Variants in NSD1 observed in about 807,000 individuals in gnomAD.
The protein encoded by NSD1 is nuclear receptor binding SET domain protein 1, also known as histone-lysine N-methyltransferase, H3 lysine-36 specific.
Under a neutral mutation model 242.7 loss-of-function variants are expected in NSD1, and 26 were observed. That is an observed-to-expected ratio of 0.11 (90% CI 0.08 to 0.15). The LOEUF (loss-of-function observed/expected upper bound fraction) is 0.15, where lower values mean the gene tolerates loss of function less well. Among genes scored for constraint, NSD1 ranks in the 10% least tolerant of loss-of-function variants. NSD1 has a pLI of 1.00. For synonymous variants in NSD1, 1,106 were observed against 1,178.1 expected (o/e 0.94, Z 1.25); for missense variants, 2,495 against 3,272.8 (o/e 0.76, Z 5.80).
At chr5:177,276,673 A>G (rs1332672000) in intron 17 of NSD1, among the ~76,000 whole-genome samples, 2 of 151,662 alleles carry the variant, frequency 1.3e-5, no homozygotes, top group Admixed American at 6.6e-5. Flanking sequence ...TGATGATTTC[A>G]CTATGTTGCC....
At chr5:177,198,897 C>T (rs1352384765) in intron 3 of NSD1, among the ~76,000 whole-genome samples, 1 of 152,216 alleles carries the variant, frequency 6.6e-6, no homozygotes, top group Admixed American at 6.5e-5. Context: ...TCTTTAGCTT[C>T]CTCTGTCTCC....
At chr5:177,174,357 C>G (rs1403463532) in intron 2 of NSD1, among the ~76,000 whole-genome samples, 2 of 152,016 alleles carry the variant, frequency 1.3e-5, no homozygotes, top group African/African-American at 4.8e-5. Flanking sequence ...AGATTACAGG[C>G]GCACGCCACC....
intron 5 of NSD1, among the ~76,000 whole-genome samples, chr5:177,222,238 C>G (rs1477755841): frequency 2.6e-5 from 4 of 152,182 alleles, no homozygotes; most frequent in Non-Finnish European, 5.9e-5. Flanking sequence ...AAGCGATTCT[C>G]ATGTCTCAGC....
At chr5:177,230,592 G>A (rs572128386) in intron 5 of NSD1, among the ~76,000 whole-genome samples, 3 of 152,198 alleles carry the variant, frequency 2.0e-5, no homozygotes, top group African/African-American at 7.2e-5. Flanking sequence ...TTGGAAGGCT[G>A]AGGTGAGCAG....
chr5:177,152,539 T>C (rs4976676), intron 2 of NSD1, among the ~76,000 whole-genome samples: 20,388 of 146,064 alleles, frequency 0.14, 1,869 homozygotes, highest in East Asian at 0.5. Flanking sequence ...CTGCAAGCTC[T>C]GGCTCCCGGG....
intron 3 of NSD1, among the ~76,000 whole-genome samples, chr5:177,200,233 C>T (rs1313357984): frequency 6.6e-6 from 1 of 151,922 alleles, no homozygotes; most frequent in Non-Finnish European, 1.5e-5. Context: ...TGGGACTATA[C>T]GAGTAACTGG....
rs1765618472 is a variant in NSD1 at position 177,238,431 on chromosome 5, C to T, written c.4116C>T (p.Thr1372=). ...GACATGCTGAGTTGCCGCAGCTGAC[C>T]TTGTCTGTGCCTGTGGCTCCGGAAG... ...GGGHAELPQL[T]LSVPVAPEVS... Residue 1372 remains threonine (T), a synonymous_variant, in exon 7 of 23, where the codon ACC becomes ACT. Coordinates refer to ENST00000439151, the MANE Select transcript of NSD1 (RefSeq NM_022455.5). This position sits in a 1 kb window ranked among gnomAD's most constrained non-coding sequence, Gnocchi z 4.6. 2 of 1,614,106 alleles carry T rather than the reference C, an allele frequency of 1.2e-6. No individual in the cohort carries two copies. The highest frequency in any genetic ancestry group is 4.5e-5 in the East Asian group (2 of 44,864).
At chr5:177,157,649 A>G (rs948654888) in intron 2 of NSD1, among the ~76,000 whole-genome samples, 13 of 152,178 alleles carry the variant, frequency 8.5e-5, no homozygotes, top group Admixed American at 5.9e-4. Context: ...TCTCAAAAAT[A>G]AAGAATAAAA....
intron 2 of NSD1, among the ~76,000 whole-genome samples, chr5:177,171,616 A>G (rs1010226604): frequency 2.0e-5 from 3 of 152,198 alleles, no homozygotes; most frequent in African/African-American, 7.2e-5. Context: ...TACTTATTGA[A>G]TGATTCTCCT....
In NSD1 at chr5:177,239,848, C is replaced by G. The variant is rs28932182; in HGVS notation, c.4285C>G (p.Leu1429Val). 1.9e-6 allele frequency: 3 copies of G among 1,602,372 alleles called. No individual in the cohort carries two copies. The highest frequency in any genetic ancestry group is 2.6e-6 in the Non-Finnish European group (3 of 1,169,854). ...DPGFMPKKGDLGLSKKCYEAG... is the reference protein window; with the variant it reads ...DPGFMPKKGDVGLSKKCYEAG... ...TGGATTTATGCCCAAGAAGGGGGAC[C>G]TTGGCCTTTCTAAAAAGGTATGTTA... The change falls in exon 8 of 23, where the codon CTT becomes GTT. Residue 1429 changes from leucine to valine, a missense_variant. By Grantham distance (32) the Leu-to-Val change is conservative. Around this residue, in one of 19 missense-constraint regions of NSD1, gnomAD observed 100 missense variants for 190.7 expected, o/e 0.52. Transcript: ENST00000439151.
intron 3 of NSD1, among the ~76,000 whole-genome samples, chr5:177,192,820 T>C (rs936827567): frequency 4.6e-5 from 7 of 152,184 alleles, no homozygotes; most frequent in African/African-American, 1.7e-4. Flanking sequence ...CGTGAGCCAC[T>C]GTGCCCGGCT....
chr5:177,238,511 A>G lies in NSD1; in HGVS notation c.4192+4A>G. On this transcript the variant is annotated splice_donor_region_variant and intron_variant, in intron 7 of 22. Transcript: ENST00000439151. This position sits in a 1 kb window ranked among gnomAD's most constrained non-coding sequence, Gnocchi z 4.6. Reference sequence around the variant, plus strand: ...GAATTGCTAGTTAAAACGCCAGGTAAGGTGGGGTTGGGGTCTCAGTATTTG... The same window carrying G: ...GAATTGCTAGTTAAAACGCCAGGTAGGGTGGGGTTGGGGTCTCAGTATTTG... 1.2e-6 allele frequency: 2 copies of G among 1,612,382 alleles called. No homozygotes were observed. Among genetic ancestry groups the G allele is most frequent in the Non-Finnish European group, 1.7e-6 (2 of 1,179,952 alleles).
intron 4 of NSD1, among the ~76,000 whole-genome samples, chr5:177,209,397 C>T (rs1370969900): frequency 1.3e-5 from 2 of 151,550 alleles, no homozygotes; most frequent in African/African-American, 2.4e-5. Context: ...GGTGTGGTGG[C>T]GGGTGCCTGT....
intron 11 of NSD1, among the ~76,000 whole-genome samples, chr5:177,249,609 T>G (rs535876989): frequency 2.6e-5 from 4 of 152,176 alleles, no homozygotes; most frequent in African/African-American, 7.2e-5. Flanking sequence ...TGCCTCAGCC[T>G]CCTGAGTACC....
intron 4 of NSD1, among the ~76,000 whole-genome samples, chr5:177,206,482 G>C (rs1399221500): frequency 6.6e-6 from 1 of 152,282 alleles, no homozygotes; most frequent in East Asian, 1.9e-4. Flanking sequence ...GGATAATTTA[G>C]AGTTCATATG....
chr5:177,278,786 G>T (rs1007050876), intron 17 of NSD1, among the ~76,000 whole-genome samples: 1 of 152,194 alleles, frequency 6.6e-6, no homozygotes, highest in Non-Finnish European at 1.5e-5. Context: ...TGTGCGGTTT[G>T]TGTCTTAGAA....
chr5:177,282,085 A>G (rs1405607593), intron 18 of NSD1, among the ~76,000 whole-genome samples: 1 of 152,232 alleles, frequency 6.6e-6, no homozygotes, highest in African/African-American at 2.4e-5. Context: ...GTACTTTGAA[A>G]TATAGAGCAG....
rs367790484 is a variant in NSD1, at chr5:177,211,910, C to A, written c.3511C>A (p.Arg1171Ser). 1 of 1,608,178 alleles carries A rather than the reference C, an allele frequency of 6.2e-7. No individual in the cohort carries two copies. The highest frequency in any genetic ancestry group is 8.5e-7 in the Non-Finnish European group (1 of 1,177,138). ...TTTAAACCAAAGGCGCACTAAACCT[C>A]GTAAGCGCATGAACAGATTTAAAGA... ...QRLNQRRTKP[R>S]KRMNRFKEKE... is the part of the protein sequence containing the mutation. The change falls in exon 5 of 23, where the codon CGT (arginine) becomes AGT (serine). Residue 1171 changes from arginine (R) to serine (S), a missense_variant. Arg to Ser is a moderately radical substitution (Grantham distance 110). Around this residue, in one of 19 missense-constraint regions of NSD1, gnomAD observed 426 missense variants for 411.4 expected, o/e 1.04. Transcript: ENST00000439151.
chr5:177,252,029 G>A (rs1014250104), intron 12 of NSD1, among the ~76,000 whole-genome samples, 176 bp downstream of exon 12: 1 of 152,194 alleles, frequency 6.6e-6, no homozygotes, highest in African/African-American at 2.4e-5. Context: ...TAATAAATGG[G>A]TAGCATAATA....
Sources: gnomAD v4.1 joint callset for allele counts (sites outside exome capture counted in the v4.1 genomes callset) on GRCh38, gnomAD v4.1.1 for gene constraint, gnomAD v4.1.1 regional missense constraint, Gnocchi (gnomAD v3.1) non-coding constraint, MANE v1.5 for transcripts, NCBI Gene and HGNC (gene_info 2026-07-23, HGNC 2026-07-21) for gene names.